The following ALPK2 variants were observed in gnomAD, a reference collection of about 807,000 sequenced individuals.
ALPK2 encodes the protein alpha kinase 2, also known as alpha-protein kinase 2.
In ALPK2, 127 loss-of-function variants were observed where a neutral mutation model predicts 163.1. The ratio of observed to expected loss-of-function variants is 0.78; its 90% CI spans 0.67 to 0.90. ALPK2 has a LOEUF of 0.90. Among genes scored for constraint, ALPK2 ranks in the 40% least tolerant of loss-of-function variants. The pLI, the probability that ALPK2 is intolerant of heterozygous loss-of-function variation, is 0.00. For synonymous variants in ALPK2, 953 were observed against 959.1 expected, an observed-to-expected ratio of 0.99 and a Z score of 0.12; for missense variants, 2,360 against 2,589.6, an observed-to-expected ratio of 0.91 and a Z score of 1.92.
In ALPK2 at chr18:58,536,523, A is replaced by G; in HGVS notation, c.3664T>C (p.Ser1222Pro). ...PSLSDILLEE[S>P]KEYRPGNWEA... Reference sequence around the variant, plus strand: ...CAATTTCCAGGTCTATATTCTTTAGACTCTTCCAAAAGGATATCAGAGAGA... The same window carrying G: ...CAATTTCCAGGTCTATATTCTTTAGGCTCTTCCAAAAGGATATCAGAGAGA... The change falls in exon 5 of 13, where the codon TCT becomes CCT. Residue 1222 changes from serine to proline, a missense_variant. Physicochemically the swap from Ser to Pro is moderately conservative, Grantham distance 74 (BLOSUM62 -1). Transcript: ENST00000361673. The G allele has an allele frequency of 6.2e-7, 1 of 1,613,516 alleles. No homozygotes were observed. Among genetic ancestry groups the G allele is most frequent in the South Asian group, 1.1e-5 (1 of 91,052 alleles).
chr18:58,624,782 G>A (rs1379859613), intron 1 of ALPK2, among the ~76,000 whole-genome samples: 2 of 152,144 alleles, frequency 1.3e-5, no homozygotes, highest in Non-Finnish European at 2.9e-5. Context: ...GCTTCTAGAA[G>A]GCATACCCTC....
intron 4 of ALPK2, among the ~76,000 whole-genome samples, chr18:58,547,312 T>C (rs1357099594): frequency 6.6e-6 from 1 of 152,212 alleles, no homozygotes; most frequent in Non-Finnish European, 1.5e-5. Context: ...CATGTCACCA[T>C]GTCACCATAG....
chr18:58,482,895 C>T (rs1032271463), intron 12 of ALPK2, among the ~76,000 whole-genome samples: 4 of 152,204 alleles, frequency 2.6e-5, no homozygotes, highest in African/African-American at 9.6e-5. Context: ...GTTGAAGGTG[C>T]AGGCTTCCTG....
chr18:58,620,922 G>A (rs990835834), intron 1 of ALPK2, among the ~76,000 whole-genome samples: 5 of 152,162 alleles, frequency 3.3e-5, no homozygotes, highest in African/African-American at 9.7e-5. Context: ...TTGGGAGGCC[G>A]AGGTGGGTGG....
intron 10 of ALPK2, among the ~76,000 whole-genome samples, chr18:58,509,192 T>A (rs1190441272): frequency 5.3e-5 from 8 of 152,094 alleles, no homozygotes; most frequent in Non-Finnish European, 8.8e-5. Context: ...GCTTCATCCA[T>A]GTCCCTACAA....
intron 10 of ALPK2, among the ~76,000 whole-genome samples, chr18:58,513,066 G>A (rs1411867637): frequency 7.0e-6 from 1 of 142,214 alleles, no homozygotes; most frequent in Non-Finnish European, 1.5e-5. Flanking sequence ...TGCATATGGT[G>A]AGTGTTGTGT....
At chr18:58,575,063 A>G (rs1420654656) in intron 4 of ALPK2, among the ~76,000 whole-genome samples, 1 of 151,998 alleles carries the variant, frequency 6.6e-6, no homozygotes, top group Non-Finnish European at 1.5e-5. Context: ...AGAATACAAA[A>G]TTAGCCAGGC....
In ALPK2 at chr18:58,537,256, A is replaced by T. The variant is rs961313043; in HGVS notation, c.2931T>A (p.Ser977Arg). The change falls in exon 5 of 13, where the codon AGT (serine) becomes AGA (arginine). Residue 977 changes from serine (S) to arginine (R), a missense_variant. Ser to Arg is a moderately radical substitution (Grantham distance 110). Coordinates refer to ENST00000361673, the MANE Select transcript of ALPK2 (RefSeq NM_052947.4). ...SAADTTATPA[S>R]YSSIVSFPWE... ...AAGGAAAACTCACAATTGAACTATA[A>T]CTGGCTGGTGTGGCTGTGGTGTCTG... is the stretch of plus-strand genomic sequence containing the variant. 2 of 1,614,044 alleles carry T rather than the reference A, an allele frequency of 1.2e-6. No homozygotes were observed. The highest frequency in any genetic ancestry group is 1.3e-5 in the African/African-American group (1 of 74,930).
chr18:58,492,485 C>A (rs2051380580), intron 12 of ALPK2, among the ~76,000 whole-genome samples: 1 of 152,172 alleles, frequency 6.6e-6, no homozygotes, highest in South Asian at 2.1e-4. Context: ...TTTTTCTTGT[C>A]TATTCTGGTC....
chr18:58,576,249 C>T (rs1791005434), intron 4 of ALPK2, among the ~76,000 whole-genome samples: 1 of 152,110 alleles, frequency 6.6e-6, no homozygotes, highest in African/African-American at 2.4e-5. Context: ...TGGCGGGTGC[C>T]TGTAATCTCA....
intron 2 of ALPK2, among the ~76,000 whole-genome samples, chr18:58,607,668 G>A (rs1412133320): frequency 6.6e-6 from 1 of 152,096 alleles, no homozygotes; most frequent in Non-Finnish European, 1.5e-5. Flanking sequence ...GTGCTGATGG[G>A]TGGCATACAA....
chr18:58,525,032 A>G (rs564960206), intron 6 of ALPK2, among the ~76,000 whole-genome samples: 14 of 151,944 alleles, frequency 9.2e-5, no homozygotes, highest in African/African-American at 3.4e-4. Flanking sequence ...ACATTCACCA[A>G]GATTCTGTGT....
At position 58,523,992 on chromosome 18, in the gene ALPK2, A is replaced by G. The variant is rs1277437566; in HGVS notation, c.5572T>C (p.Cys1858Arg). The change falls in exon 7 of 13, where the codon TGC becomes CGC. Residue 1858 changes from cysteine to arginine, a missense_variant. Coordinates refer to ENST00000361673, the MANE Select transcript of ALPK2 (RefSeq NM_052947.4). ...TTTCCGTAGCTGTTCTTGATGCAGC[A>G]GTAATAGAGTCCCTGGTCCTTCGGA... ...ASPKDQGLYY[C>R]CIKNSYGKVT... 1.2e-6 allele frequency: 2 copies of G among 1,614,090 alleles called. No individual in the cohort carries two copies. The highest frequency in any genetic ancestry group is 2.7e-5 in the African/African-American group (2 of 74,946).
intron 12 of ALPK2, among the ~76,000 whole-genome samples, chr18:58,482,823 A>C (rs113866851): frequency 0.055 from 8,368 of 152,312 alleles, 227 homozygotes; most frequent in Middle Eastern, 0.1. Flanking sequence ...TTGAATGGAC[A>C]GCTGCCCAGC....
At chr18:58,555,439 A>G (rs555387057) in intron 4 of ALPK2, among the ~76,000 whole-genome samples, 1 of 152,384 alleles carries the variant, frequency 6.6e-6, no homozygotes, top group South Asian at 2.1e-4. Flanking sequence ...AATGTATAAT[A>G]TCACAAAAGA....
In ALPK2 at chr18:58,537,570, C is replaced by G; in HGVS notation, c.2617G>C (p.Val873Leu). The G allele has an allele frequency of 6.2e-7, 1 of 1,614,066 alleles. No individual in the cohort carries two copies. Among genetic ancestry groups the G allele is most frequent in the Non-Finnish European group, 8.5e-7 (1 of 1,179,924 alleles). Residue 873 changes from valine to leucine, a missense_variant, in exon 5 of 13, where the codon GTG becomes CTG. Physicochemically the swap from Val to Leu is conservative, Grantham distance 32. Coordinates refer to ENST00000361673, the MANE Select transcript of ALPK2 (RefSeq NM_052947.4). The part of the protein sequence containing the change: ...FFQTQVSETS[V>L]STCKSSKDGN... ...TCCTTGCTGCTTTTGCACGTAGACA[C>G]TGAAGTCTCAGACACTTGTGTCTGA...
intron 3 of ALPK2, among the ~76,000 whole-genome samples, 190 bp downstream of exon 3, chr18:58,607,132 T>C (rs1033656706): frequency 1.9e-4 from 29 of 152,212 alleles, no homozygotes; most frequent in Admixed American, 2.0e-4. Context: ...TAGGGGAATA[T>C]AATTAGTTAC....
At chr18:58,597,393 T>A (rs1433589825) in intron 3 of ALPK2, among the ~76,000 whole-genome samples, 1 of 152,224 alleles carries the variant, frequency 6.6e-6, no homozygotes, top group Non-Finnish European at 1.5e-5. Flanking sequence ...GTACCAGCAC[T>A]GTTCAAAAAG....
At chr18:58,519,232 A>C (rs1379320804) in intron 8 of ALPK2, among the ~76,000 whole-genome samples, 4 of 152,216 alleles carry the variant, frequency 2.6e-5, no homozygotes, top group Non-Finnish European at 5.9e-5. Flanking sequence ...TTATTTTAAC[A>C]GTTAAATTTA....
Sources: gnomAD v4.1 joint callset for allele counts (sites outside exome capture counted in the v4.1 genomes callset) on GRCh38, gnomAD v4.1.1 for gene constraint, MANE v1.5 for transcripts, NCBI Gene and HGNC (gene_info 2026-07-23, HGNC 2026-07-21) for gene names.